ANKRD55: variants seen among roughly 807,000 people sequenced by gnomAD.
ANKRD55 encodes the protein ankyrin repeat domain 55, also known as ankyrin repeat domain-containing protein 55.
Under a neutral mutation model 60.6 loss-of-function variants are expected in ANKRD55, and 41 were observed. That is an observed-to-expected ratio of 0.68 (90% CI 0.53 to 0.88). The LOEUF (loss-of-function observed/expected upper bound fraction) is 0.88. Among genes scored for constraint, ANKRD55 ranks in the 40% least tolerant of loss-of-function variants. The pLI is 0.00. For synonymous variants in ANKRD55, 264 were observed against 290.3 expected (o/e 0.91, Z 0.92); for missense variants, 732 against 767.6 (o/e 0.95, Z 0.55).
At chr5:56,194,187 G>A (rs1288095350) in intron 2 of ANKRD55, among the ~76,000 whole-genome samples, 2 of 151,940 alleles carry the variant, frequency 1.3e-5, no homozygotes, top group Admixed American at 6.6e-5. Context: ...GTGGTGGCGC[G>A]CACCTGTAGT....
chr5:56,109,038 AACACAC>A (rs60023559), intron 10 of ANKRD55, among the ~76,000 whole-genome samples: 23,309 of 143,856 alleles, frequency 0.16, 2,157 homozygotes, highest in Non-Finnish European at 0.21. Context: ...TCTGTCTCAA[AACACAC>A]ACACACACAC....
intron 4 of ANKRD55, among the ~76,000 whole-genome samples, chr5:56,174,212 G>A (rs1758685928): frequency 6.6e-6 from 1 of 152,186 alleles, no homozygotes; most frequent in South Asian, 2.1e-4. Flanking sequence ...CAGGCTCCAA[G>A]GGTGTCCATC....
chr5:56,198,094 G>A (rs1759267547), intron 2 of ANKRD55, among the ~76,000 whole-genome samples: 1 of 151,948 alleles, frequency 6.6e-6, no homozygotes, highest in Non-Finnish European at 1.5e-5. Flanking sequence ...ACTCTTAAAT[G>A]CTGCCTTCAA....
rs77988637 is a variant in ANKRD55 at position 56,214,571 on chromosome 5, C to A, written c.58+18285G>T. 9.0e-3 allele frequency among the ~76,000 whole-genome samples: 1,364 copies of A among 152,312 alleles called. 16 individuals carry two copies. Among genetic ancestry groups the A allele is most frequent in the African/African-American group, 0.031 (1,300 of 41,564 alleles). ...GGGATAAATATATCACCAGCTGGAG[C>A]ACACAGTAAGCAGCAGCACTGGGAT... On this transcript the variant is annotated intron_variant, in intron 2 of 11. Transcript: ENST00000341048.
chr5:56,115,489 T>C (rs920644451), intron 9 of ANKRD55, among the ~76,000 whole-genome samples: 1 of 151,862 alleles, frequency 6.6e-6, no homozygotes, highest in Non-Finnish European at 1.5e-5. Flanking sequence ...TGGCTAGTTT[T>C]TCTGTTTTTG....
chr5:56,166,274 C>T (rs1229415783), intron 5 of ANKRD55, among the ~76,000 whole-genome samples: 1 of 146,710 alleles, frequency 6.8e-6, no homozygotes, highest in Non-Finnish European at 1.5e-5. Context: ...TCCTTCCTTC[C>T]TTCCTTCGGG....
chr5:56,194,918 G>C (rs1270760916), intron 2 of ANKRD55, among the ~76,000 whole-genome samples: 1 of 152,144 alleles, frequency 6.6e-6, no homozygotes, highest in Non-Finnish European at 1.5e-5. Flanking sequence ...TGAGAGATGA[G>C]AACGTGTTTG....
chr5:56,213,970 C>A (rs577991508), intron 2 of ANKRD55, among the ~76,000 whole-genome samples: 4 of 152,230 alleles, frequency 2.6e-5, no homozygotes, highest in Admixed American at 2.0e-4. Flanking sequence ...GACTCATCCA[C>A]ATGGCTAGGG....
chr5:56,181,085 A>T (rs904604086), intron 3 of ANKRD55, among the ~76,000 whole-genome samples: 1 of 152,174 alleles, frequency 6.6e-6, no homozygotes, highest in African/African-American at 2.4e-5. Context: ...CTGTAATCCC[A>T]GTTACTCAGG....
In ANKRD55 at chr5:56,195,588, C is replaced by T. The variant is rs368798621; in HGVS notation, c.59-11954G>A. ...CCTCCCGAGTAGCTGGGATTACAGG[C>T]GTGTGCCACCATGCCCAGCCAATTT... is the stretch of plus-strand genomic sequence containing the variant. On this transcript the variant is annotated intron_variant, in intron 2 of 11. Coordinates refer to ENST00000341048, the MANE Select transcript of ANKRD55 (RefSeq NM_024669.3). Among the ~76,000 whole-genome samples, 12 of 152,240 alleles carry T rather than the reference C, an allele frequency of 7.9e-5. No individual in the cohort carries two copies. The East Asian group carries it at 1.7e-3, about 22-fold the overall frequency.
rs1015099486 is a variant in ANKRD55, at chr5:56,126,839, C to G, written c.797+83G>C. 19 of 1,459,172 alleles carry G rather than the reference C, an allele frequency of 1.3e-5. No homozygotes were observed. In the African/African-American group the frequency reaches 2.7e-4, roughly 21 times the overall value. The allele number at this position is 1,459,172 out of a possible 1,614,324, so 90.4% of individuals were successfully genotyped here. On this transcript the variant is annotated intron_variant, in intron 8 of 11. Transcript: ENST00000341048. Reference sequence around the variant, plus strand: ...AATAGGGATATAGCTGTATAGGACACCTCCTTAAACATCTCCTTTATTTTA... The same window carrying G: ...AATAGGGATATAGCTGTATAGGACAGCTCCTTAAACATCTCCTTTATTTTA...
In ANKRD55 at chr5:56,111,267, C is replaced by T; in HGVS notation, c.1481G>A (p.Trp494Ter). ...AAATACCTGATTAGAATCACTCTTC[C>T]AGGGGTTATCTAGTAACATCTGGCA... is the stretch of plus-strand genomic sequence containing the variant. The part of the protein sequence containing the change: ...TGCQMLLDNP[W>*]KSDSNQVFSY... Residue 494 changes from tryptophan to a stop codon, truncating the protein, a stop_gained, in exon 10 of 12, where the codon TGG becomes TAG. Coordinates refer to ENST00000341048, the MANE Select transcript of ANKRD55 (RefSeq NM_024669.3). LOFTEE classifies it high-confidence loss of function. 4 of 1,614,148 alleles carry T rather than the reference C, an allele frequency of 2.5e-6. No individual in the cohort carries two copies. The highest frequency in any genetic ancestry group is 3.4e-6 in the Non-Finnish European group (4 of 1,180,016).
At position 56,160,045 on chromosome 5, in the gene ANKRD55, A is replaced by G. The variant is rs539010631; in HGVS notation, c.423-152T>C. The G allele has an allele frequency of 1.9e-4, 124 of 648,122 alleles. 1 individual carries two copies. The East Asian group carries it at 3.2e-3, about 17-fold the overall frequency. 40.1% of individuals were successfully genotyped at this position (648,122 alleles called of 1,614,324 possible). Reference sequence around the variant, plus strand: ...TTCCGTTTCTCTGGGAAAAAGATCCACAGAAAAGAAGCAAGAGTGTGATAG... The same window carrying G: ...TTCCGTTTCTCTGGGAAAAAGATCCGCAGAAAAGAAGCAAGAGTGTGATAG... On this transcript the variant is annotated intron_variant, in intron 5 of 11. Transcript: ENST00000341048.
chr5:56,199,894 A>C (rs916962667), intron 2 of ANKRD55, among the ~76,000 whole-genome samples: 3 of 150,962 alleles, frequency 2.0e-5, no homozygotes, highest in Non-Finnish European at 4.4e-5. Flanking sequence ...CTGTCTCAAA[A>C]AAAAAAAAAA....
At chr5:56,100,907 T>C (rs911975118) in intron 11 of ANKRD55, among the ~76,000 whole-genome samples, 1 of 152,182 alleles carries the variant, frequency 6.6e-6, no homozygotes, top group Non-Finnish European at 1.5e-5. Context: ...ACAGTTCTGC[T>C]TAAAGACAGG....
At chr5:56,103,216 A>C (rs1756343155) in intron 10 of ANKRD55, among the ~76,000 whole-genome samples, 1 of 152,344 alleles carries the variant, frequency 6.6e-6, no homozygotes, top group East Asian at 1.9e-4. Context: ...TGGTGTGTGC[A>C]TGGACCATGT....
intron 2 of ANKRD55, among the ~76,000 whole-genome samples, chr5:56,198,827 C>T (rs1759286664): frequency 6.6e-6 from 1 of 151,878 alleles, no homozygotes; most frequent in Non-Finnish European, 1.5e-5. Context: ...CACCTGTAAT[C>T]CCAGCACTTT....
chr5:56,210,478 C>G (rs1236444259), intron 2 of ANKRD55, among the ~76,000 whole-genome samples: 1 of 141,612 alleles, frequency 7.1e-6, no homozygotes, highest in East Asian at 2.2e-4. Flanking sequence ...AGGAGAAAGG[C>G]GTGAACCCGG....
At chr5:56,162,149 G>C (rs1758348749) in intron 5 of ANKRD55, 1 of 446,266 alleles carries the variant, frequency 2.2e-6, no homozygotes, top group African/African-American at 2.1e-5. Context: ...TTACTCCTGA[G>C]CAGACAGAGA....
Sources: allele counts gnomAD v4.1 joint callset (sites outside exome capture counted in the v4.1 genomes callset), GRCh38; gene constraint gnomAD v4.1.1; transcripts MANE v1.5; gene names NCBI Gene and HGNC (gene_info 2026-07-23, HGNC 2026-07-21).